The following LDLRAD1 variants were observed in gnomAD, a reference collection of about 807,000 sequenced individuals.
The protein encoded by LDLRAD1 is low density lipoprotein receptor class A domain containing 1, also known as low-density lipoprotein receptor class A domain-containing protein 1.
In LDLRAD1, 17 loss-of-function variants were observed where a neutral mutation model predicts 24.8. That is an observed-to-expected ratio of 0.69 (90% CI 0.47 to 1.03). LDLRAD1 has a LOEUF of 1.03. Ranked by LOEUF, LDLRAD1 falls within the 50% of genes least tolerant of loss-of-function variation. LDLRAD1 has a pLI of 0.00. For missense variants in LDLRAD1, 277 were observed against 271.0 expected (o/e 1.02, Z -0.16); for synonymous variants, 103 against 108.2 (o/e 0.95, Z 0.30).
rs1433018033 is a variant in LDLRAD1 at position 54,007,662 on chromosome 1, C to T, written c.*1320G>A. Reference sequence around the variant, plus strand: ...TTCTCCCTATGTTGCCCAGGCTGGTCTCGAACTCCTGGGCTCAAGTGGGAC... The same window carrying T: ...TTCTCCCTATGTTGCCCAGGCTGGTTTCGAACTCCTGGGCTCAAGTGGGAC... On this transcript the variant is annotated 3_prime_UTR_variant, in exon 6 of 6. Transcript: ENST00000371360. 2 of 152,346 alleles carry T rather than the reference C, an allele frequency of 1.3e-5. No individual in the cohort carries two copies. Among genetic ancestry groups the T allele is most frequent in the Non-Finnish European group, 2.9e-5 (2 of 68,198 alleles). 9.4% of individuals were successfully genotyped at this position (152,346 alleles called of 1,614,324 possible). A position where few individuals can be genotyped will look rare whatever the true frequency, so the allele number is the denominator to read the frequency against.
intron 4 of LDLRAD1, among the ~76,000 whole-genome samples, chr1:54,011,728 T>G (rs1445754465): frequency 6.6e-6 from 1 of 152,212 alleles, no homozygotes; most frequent in Non-Finnish European, 1.5e-5. Context: ...TGGGCCTGCC[T>G]CAGAGGAGTT....
At position 54,011,229 on chromosome 1, in the gene LDLRAD1, C is replaced by G. The variant is rs142928017; in HGVS notation, c.341-819G>C. Among the ~76,000 whole-genome samples the G allele has an allele frequency of 4.3e-3, 653 of 152,234 alleles. 5 individuals are homozygous for G. Among genetic ancestry groups the G allele is most frequent in the African/African-American group, 0.015 (621 of 41,538 alleles). ...CAATCTTCAAATCCATGCAGCACCA[C>G]CATCATGGCAGAAATTAAAGTGTGG... On this transcript the variant is annotated intron_variant, in intron 4 of 5. Coordinates refer to ENST00000371360, the MANE Select transcript of LDLRAD1 (RefSeq NM_001010978.4).
rs796361228 is a variant in LDLRAD1 at position 54,013,889 on chromosome 1, A to G, written c.202+347T>C. Among the ~76,000 whole-genome samples the G allele has an allele frequency of 9.2e-5, 14 of 152,062 alleles. 1 individual carries two copies. The highest frequency in any genetic ancestry group is 3.4e-4 in the African/African-American group (14 of 41,496). On this transcript the variant is annotated intron_variant, in intron 3 of 5. Transcript: ENST00000371360. ...GTGGTGGAGATGGGCACACAGTTGG[A>G]TAGCACCACCCCGGGGTGGCCAGGC...
chr1:54,010,153 G>A (rs1018245764), intron 5 of LDLRAD1, 129 bp downstream of exon 5: 1 of 1,011,242 alleles, frequency 9.9e-7, no homozygotes, highest in African/African-American at 1.6e-5. Context: ...TTCAAGCAGG[G>A]GTAGAAAACT....
chr1:54,014,239 G>T lies in LDLRAD1; in HGVS notation c.199C>A (p.Pro67Thr). Reference sequence around the variant, plus strand: ...ACCCTCTCTTGGCCGCCCTGACCTGGGGTGCATGATGGGAGTCCAAGAATG... The same window carrying T: ...ACCCTCTCTTGGCCGCCCTGACCTGTGGTGCATGATGGGAGTCCAAGAATG... The part of the protein sequence containing the change: ...VTILGLPSCT[P>T]GAQACITLTN... The change falls in exon 3 of 6, where the codon CCA (proline) becomes ACA (threonine). Residue 67 changes from proline to threonine, a missense_variant. Transcript: ENST00000371360. The T allele has an allele frequency of 1.3e-6, 2 of 1,567,484 alleles. No individual in the cohort carries two copies. Among genetic ancestry groups the T allele is most frequent in the South Asian group, 1.2e-5 (1 of 85,106 alleles).
chr1:54,012,354 C>T lies in LDLRAD1; in HGVS notation c.203-74G>A, dbSNP rs188795242. On this transcript the variant is annotated intron_variant, in intron 3 of 5. Coordinates refer to ENST00000371360, the MANE Select transcript of LDLRAD1 (RefSeq NM_001010978.4). ...GGACAAACCTTCCTCACCTGAACTCCGCCTAGAGCTGGCCTGAGGGGCTGG... is the reference window on the plus strand; with the variant it reads ...GGACAAACCTTCCTCACCTGAACTCTGCCTAGAGCTGGCCTGAGGGGCTGG... The T allele has an allele frequency of 9.0e-5, 139 of 1,536,170 alleles. 1 individual carries two copies. The African/African-American group carries it at 1.1e-3, about 13-fold the overall frequency.
intron 2 of LDLRAD1, among the ~76,000 whole-genome samples, chr1:54,015,657 T>A (rs1171163226): frequency 1.5e-5 from 2 of 133,724 alleles, no homozygotes; most frequent in African/African-American, 5.1e-5. Context: ...TTTTTTTGTT[T>A]TTTTTGTTTT....
At chr1:54,016,145 C>T (rs1405885653) in intron 2 of LDLRAD1, among the ~76,000 whole-genome samples, 3 of 151,916 alleles carry the variant, frequency 2.0e-5, no homozygotes, top group Non-Finnish European at 2.9e-5. Flanking sequence ...AGGCAGAGGG[C>T]GTGGCAGGAG....
chr1:54,014,387 C>G (rs1428460171), intron 2 of LDLRAD1, 23 bp from the exon 3 acceptor site: 2 of 1,538,340 alleles, frequency 1.3e-6, no homozygotes, highest in Non-Finnish European at 1.8e-6. Flanking sequence ...GAAACAAGCC[C>G]GGGGGTGGTG....
At position 54,008,889 on chromosome 1, in the gene LDLRAD1, GCTTCCTGCCCTT is replaced by G; in HGVS notation, c.*81_*92del. 4 of 1,069,350 alleles carry G rather than the reference GCTTCCTGCCCTT, an allele frequency of 3.7e-6. No individual in the cohort carries two copies. Among genetic ancestry groups the G allele is most frequent in the Non-Finnish European group, 5.1e-6 (4 of 788,650 alleles). 66.2% of individuals were successfully genotyped at this position (1,069,350 alleles called of 1,614,324 possible). A position where few individuals can be genotyped will look rare whatever the true frequency, so the allele number is the denominator to read the frequency against. On this transcript the variant is annotated 3_prime_UTR_variant, in exon 6 of 6. Coordinates refer to ENST00000371360, the MANE Select transcript of LDLRAD1 (RefSeq NM_001010978.4). Reference sequence around the variant, plus strand: ...ATGTGTAGATCCCATTTCAAAGGCTGCTTCCTGCCCTTGTGCGCTAGGATTTGATTTTCATGT... The same window carrying G: ...ATGTGTAGATCCCATTTCAAAGGCTGGTGCGCTAGGATTTGATTTTCATGT...
At chr1:54,015,254 A>C (rs1336289280) in intron 2 of LDLRAD1, among the ~76,000 whole-genome samples, 2 of 152,058 alleles carry the variant, frequency 1.3e-5, no homozygotes, top group Non-Finnish European at 2.9e-5. Context: ...ACAGGCGTGC[A>C]CCACTGTGTC....
chr1:54,015,305 C>T (rs1656257250), intron 2 of LDLRAD1, among the ~76,000 whole-genome samples: 1 of 152,068 alleles, frequency 6.6e-6, no homozygotes, highest in Non-Finnish European at 1.5e-5. Flanking sequence ...ATGTGCCGAG[C>T]CTTATTCTAA....
Position 54,017,385 on chromosome 1 carries a change from C to T in LDLRAD1, c.64G>A (p.Gly22Arg), listed in dbSNP as rs1185101233. The T allele has an allele frequency of 1.9e-6, 3 of 1,602,584 alleles. No homozygotes were observed. The highest frequency in any genetic ancestry group is 2.7e-5 in the African/African-American group (2 of 74,722). Residue 22 changes from glycine to arginine, a missense_variant, in exon 2 of 6, where the codon GGA becomes AGA. Coordinates refer to ENST00000371360, the MANE Select transcript of LDLRAD1 (RefSeq NM_001010978.4). The part of the protein sequence containing the change: ...YTAAESKAHP[G>R]GEAGGGHLCC... Reference sequence around the variant, plus strand: ...CCCTCCAGTTCTTTACCTTCCCCTCCAGGGTGGGCTTTGGATTCAGCAGCA... The same window carrying T: ...CCCTCCAGTTCTTTACCTTCCCCTCTAGGGTGGGCTTTGGATTCAGCAGCA...
intron 4 of LDLRAD1, among the ~76,000 whole-genome samples, 178 bp downstream of exon 4, chr1:54,011,965 T>A (rs1296508094): frequency 6.6e-6 from 1 of 152,034 alleles, no homozygotes; most frequent in Non-Finnish European, 1.5e-5. Context: ...CATTCCTTAG[T>A]GGGGGCATGT....
chr1:54,008,829 T>C lies in LDLRAD1; in HGVS notation c.*153A>G, dbSNP rs1371360435. The C allele has an allele frequency of 1.4e-6, 1 of 711,150 alleles. No homozygotes were observed. The highest frequency in any genetic ancestry group is 2.3e-6 in the Non-Finnish European group (1 of 425,672). 44.1% of individuals were successfully genotyped at this position (711,150 alleles called of 1,614,324 possible). A position where few individuals can be genotyped will look rare whatever the true frequency, so the allele number is the denominator to read the frequency against. On this transcript the variant is annotated 3_prime_UTR_variant, in exon 6 of 6. Transcript: ENST00000371360. The stretch of plus-strand genomic sequence containing the variant: ...AGCATTCAAGCAGAGGCTGAACAAC[T>C]TGAAAGGAGGAGAGAAAATTCCTAT...
In LDLRAD1 at chr1:54,014,251, G is replaced by C. The variant is rs1235608755; in HGVS notation, c.187C>G (p.Pro63Ala). The C allele has an allele frequency of 6.4e-7, 1 of 1,562,878 alleles. No individual in the cohort carries two copies. ...CCGCCCTGACCTGGGGTGCATGATGGGAGTCCAAGAATGGTGACCAAGGCG... is the reference window on the plus strand; with the variant it reads ...CCGCCCTGACCTGGGGTGCATGATGCGAGTCCAAGAATGGTGACCAAGGCG... ...LIALVTILGL[P>A]SCTPGAQACI... The change falls in exon 3 of 6, where the codon CCA becomes GCA. Residue 63 changes from proline to alanine, a missense_variant. Coordinates refer to ENST00000371360, the MANE Select transcript of LDLRAD1 (RefSeq NM_001010978.4).
At chr1:54,014,066 G>T (rs1413274324) in intron 3 of LDLRAD1, among the ~76,000 whole-genome samples, 170 bp downstream of exon 3, 1 of 152,064 alleles carries the variant, frequency 6.6e-6, no homozygotes, top group Non-Finnish European at 1.5e-5. Context: ...TCAGAAACAG[G>T]TATAGTCAGT....
At chr1:54,011,347 C>T (rs953205394) in intron 4 of LDLRAD1, among the ~76,000 whole-genome samples, 1 of 152,140 alleles carries the variant, frequency 6.6e-6, no homozygotes, top group Admixed American at 6.5e-5. Context: ...ACAAGGAAAA[C>T]CTTCCCATGG....
intron 2 of LDLRAD1, among the ~76,000 whole-genome samples, chr1:54,016,410 G>A (rs1041788444): frequency 6.6e-6 from 1 of 152,192 alleles, no homozygotes; most frequent in African/African-American, 2.4e-5. Context: ...TATTTGTGCA[G>A]CACAGACCAT....
Sources: allele counts gnomAD v4.1 joint callset (sites outside exome capture counted in the v4.1 genomes callset), GRCh38; gene constraint gnomAD v4.1.1; transcripts MANE v1.5; gene names NCBI Gene and HGNC (gene_info 2026-07-23, HGNC 2026-07-21).